Variants in ADGRV1 observed in about 807,000 individuals in gnomAD.
ADGRV1 encodes the protein G-protein coupled receptor 98.
Under a neutral mutation model 596.2 loss-of-function variants are expected in ADGRV1, and 359 were observed. That is an observed-to-expected ratio of 0.60 (90% CI 0.55 to 0.66). The LOEUF (loss-of-function observed/expected upper bound fraction) is 0.66, where lower values mean the gene tolerates loss of function less well. Among genes scored for constraint, ADGRV1 ranks in the 30% least tolerant of loss-of-function variants. ADGRV1 has a pLI of 0.00. For synonymous variants in ADGRV1, 2,681 were observed against 2,679.2 expected, an observed-to-expected ratio of 1.00 and a Z score of -0.02; for missense variants, 7,274 against 7,575.6, an observed-to-expected ratio of 0.96 and a Z score of 1.48.
At chr5:90,954,349 T>A (rs1777296902) in intron 83 of ADGRV1, among the ~76,000 whole-genome samples, 1 of 152,114 alleles carries the variant, frequency 6.6e-6, no homozygotes, top group Non-Finnish European at 1.5e-5. Flanking sequence ...TAGAAAATAC[T>A]AATTCACTTT....
chr5:90,961,028 C>T (rs1224494010), intron 83 of ADGRV1, among the ~76,000 whole-genome samples: 2 of 152,106 alleles, frequency 1.3e-5, no homozygotes, highest in Non-Finnish European at 2.9e-5. Context: ...CAATACTTGT[C>T]ACATTTTATT....
At position 90,759,880 on chromosome 5, in the gene ADGRV1, G is replaced by T. The variant is rs182477538; in HGVS notation, c.12120+292G>T. The T allele has an allele frequency of 3.1e-5, 10 of 325,986 alleles. No homozygotes were observed. The East Asian group carries it at 7.0e-4, about 23-fold the overall frequency. 20.2% of individuals were successfully genotyped at this position (325,986 alleles called of 1,614,324 possible). A position where few individuals can be genotyped will look rare whatever the true frequency, so the allele number is the denominator to read the frequency against. On this transcript the variant is annotated intron_variant, in intron 58 of 89. Transcript: ENST00000405460. The stretch of plus-strand genomic sequence containing the variant: ...CTTGGGAGGCTGAGGCAGGAGACTC[G>T]CTTGAACCCAGGAGGCAGAGGTTGC...
At chr5:90,663,451 A>G (rs921850360) in intron 21 of ADGRV1, among the ~76,000 whole-genome samples, 3 of 148,584 alleles carry the variant, frequency 2.0e-5, no homozygotes, top group African/African-American at 7.5e-5. Context: ...CCACTTTTTG[A>G]TGGGGTTGTT....
Position 90,646,063 on chromosome 5 carries a change from A to G in ADGRV1, c.2994A>G (p.Arg998=). 1 of 1,592,382 alleles carries G rather than the reference A, an allele frequency of 6.3e-7. No individual in the cohort carries two copies. ...GNRTTATLRI[R]RNDDPIYFAE... is the part of the protein sequence containing the mutation. Reference sequence around the variant, plus strand: ...GAACAACTGCAACTCTGAGGATTAGAAGAAATGATGACCCCATTTATTTTG... The same window carrying G: ...GAACAACTGCAACTCTGAGGATTAGGAGAAATGATGACCCCATTTATTTTG... The change falls in exon 16 of 90, where the codon AGA becomes AGG. Residue 998 remains arginine, a synonymous_variant. Coordinates refer to ENST00000405460, the MANE Select transcript of ADGRV1 (RefSeq NM_032119.4).
chr5:91,110,706 A>G (rs1413972397), intron 87 of ADGRV1, among the ~76,000 whole-genome samples: 2 of 152,182 alleles, frequency 1.3e-5, no homozygotes, highest in African/African-American at 4.8e-5. Context: ...GAGATGCTAG[A>G]AAATACGTTT....
chr5:91,054,688 A>G (rs1786679194), intron 85 of ADGRV1, among the ~76,000 whole-genome samples: 2 of 152,140 alleles, frequency 1.3e-5, no homozygotes, highest in South Asian at 4.1e-4. Flanking sequence ...TAAGAGTTCT[A>G]ATCCCATTCA....
At chr5:90,816,522 T>A (rs1252682443) in intron 75 of ADGRV1, among the ~76,000 whole-genome samples, 1 of 151,200 alleles carries the variant, frequency 6.6e-6, no homozygotes, top group Non-Finnish European at 1.5e-5. Flanking sequence ...TAACTCATCA[T>A]TTAGCATTAG....
At chr5:90,684,947 T>A (rs1363714552) in intron 28 of ADGRV1, among the ~76,000 whole-genome samples, 1 of 152,164 alleles carries the variant, frequency 6.6e-6, no homozygotes, top group Non-Finnish European at 1.5e-5. Context: ...GTTTTTGAGG[T>A]CAAGGAACTA....
At chr5:90,707,587 G>C (rs536393362) in intron 38 of ADGRV1, among the ~76,000 whole-genome samples, 5 of 152,224 alleles carry the variant, frequency 3.3e-5, no homozygotes, top group South Asian at 2.1e-4. Flanking sequence ...TATTATGTCA[G>C]TATATGGGAT....
chr5:90,598,890 A>G (rs918251838), intron 1 of ADGRV1, among the ~76,000 whole-genome samples: 1 of 152,200 alleles, frequency 6.6e-6, no homozygotes, highest in African/African-American at 2.4e-5. Flanking sequence ...TCGTTACATC[A>G]CAGCTATAAG....
At chr5:90,793,917 T>G (rs1175532752) in intron 70 of ADGRV1, among the ~76,000 whole-genome samples, 3 of 152,224 alleles carry the variant, frequency 2.0e-5, no homozygotes, top group African/African-American at 7.2e-5. Context: ...GGTGTAAGAC[T>G]GCACATAGAT....
intron 59 of ADGRV1, among the ~76,000 whole-genome samples, chr5:90,769,915 T>C (rs1757514577): frequency 6.6e-6 from 1 of 152,138 alleles, no homozygotes; most frequent in Non-Finnish European, 1.5e-5. Context: ...AAACTCAGAA[T>C]TGATATAAAG....
chr5:90,575,527 G>T (rs1371450486), intron 1 of ADGRV1, among the ~76,000 whole-genome samples: 1 of 152,156 alleles, frequency 6.6e-6, no homozygotes, highest in Non-Finnish European at 1.5e-5. Flanking sequence ...TCAGATTGCA[G>T]GATGGCCCTT....
intron 85 of ADGRV1, among the ~76,000 whole-genome samples, chr5:91,061,091 T>C (rs2151353892): frequency 6.6e-6 from 1 of 152,306 alleles, no homozygotes; most frequent in South Asian, 2.1e-4. Context: ...CAGCCTTTTC[T>C]TTCCAGGCAC....
At chr5:91,111,475 A>G (rs1242342294) in intron 87 of ADGRV1, among the ~76,000 whole-genome samples, 2 of 152,162 alleles carry the variant, frequency 1.3e-5, no homozygotes, top group African/African-American at 4.8e-5. Context: ...TTCAATTCCC[A>G]CTTAGTATCC....
chr5:91,120,038 G>A (rs560645061), intron 87 of ADGRV1, among the ~76,000 whole-genome samples: 1 of 152,298 alleles, frequency 6.6e-6, no homozygotes, highest in Admixed American at 6.5e-5. Context: ...ACAAAATCTT[G>A]CTAGAGAGCT....
At chr5:90,620,934 C>G (rs1763983108) in intron 4 of ADGRV1, among the ~76,000 whole-genome samples, 1 of 152,136 alleles carries the variant, frequency 6.6e-6, no homozygotes, top group Admixed American at 6.5e-5. Context: ...TTAATATTTT[C>G]TGAAGATTGA....
chr5:90,730,629 A>C (rs1457741847), intron 50 of ADGRV1, among the ~76,000 whole-genome samples: 1 of 152,180 alleles, frequency 6.6e-6, no homozygotes, highest in Non-Finnish European at 1.5e-5. Flanking sequence ...GAGAGAACCC[A>C]AGGTATTATT....
chr5:91,102,291 A>G lies in ADGRV1; in HGVS notation c.18383A>G (p.Tyr6128Cys), dbSNP rs933872089. The change falls in exon 87 of 90, where the codon TAC (tyrosine) becomes TGC (cysteine). Residue 6128 changes from tyrosine (Y) to cysteine (C), a missense_variant. Coordinates refer to ENST00000405460, the MANE Select transcript of ADGRV1 (RefSeq NM_032119.4). ...TWLWGGLHMA[Y>C]RHFWMLVLFV... is the part of the protein sequence containing the mutation. Reference sequence around the variant, plus strand: ...CTTTGGGGAGGACTACACATGGCCTACAGACACTTCTGGATGTTGGTTCTC... The same window carrying G: ...CTTTGGGGAGGACTACACATGGCCTGCAGACACTTCTGGATGTTGGTTCTC... 22 of 1,609,626 alleles carry G rather than the reference A, an allele frequency of 1.4e-5. No homozygotes were observed. In the East Asian group the frequency reaches 2.5e-4, roughly 18 times the overall value.
Sources: allele counts gnomAD v4.1 joint callset (sites outside exome capture counted in the v4.1 genomes callset), GRCh38; gene constraint gnomAD v4.1.1; transcripts MANE v1.5; gene names NCBI Gene and HGNC (gene_info 2026-07-23, HGNC 2026-07-21).